The following ZNF667 variants were observed in gnomAD, a reference collection of about 807,000 sequenced individuals.
The protein encoded by ZNF667 is zinc finger protein 667.
Under a neutral mutation model 31.8 loss-of-function variants are expected in ZNF667, and 13 were observed. The observed-to-expected ratio is 0.41, with a 90% CI of 0.27 to 0.65. ZNF667 has a LOEUF of 0.65. ZNF667 is among the 30% of genes least tolerant of loss of function. ZNF667 has a pLI of 0.32. For missense variants in ZNF667, 642 were observed against 725.6 expected (o/e 0.88, Z 1.32); for synonymous variants, 228 against 247.1 (o/e 0.92, Z 0.73).
Position 56,441,310 on chromosome 19 carries a change from T to A in ZNF667, c.1685A>T (p.Lys562Met). 6.2e-7 allele frequency: 1 copy of A among 1,614,246 alleles called. No homozygotes were observed. The highest frequency in any genetic ancestry group is 8.5e-7 in the Non-Finnish European group (1 of 1,180,044). ...EKPYECNECG[K>M]AFSSGSDLIR... Reference sequence around the variant, plus strand: ...AAGGTCTGAGCCACTGCTAAATGCCTTCCCACATTCATTACATTCATAGGG... The same window carrying A: ...AAGGTCTGAGCCACTGCTAAATGCCATCCCACATTCATTACATTCATAGGG... The change falls in exon 7 of 7, where the codon AAG becomes ATG. Residue 562 changes from lysine to methionine, a missense_variant. By Grantham distance (95) the Lys-to-Met change is moderately conservative (BLOSUM62 -1). Coordinates refer to ENST00000504904, the MANE Select transcript of ZNF667 (RefSeq NM_001321356.2). The surrounding 1 kb of genome is among the most constrained non-coding windows in gnomAD (Gnocchi z 4.2).
At chr19:56,460,606 G>A in intron 5 of ZNF667, 83 bp downstream of exon 5, 1 of 1,444,672 alleles carries the variant, frequency 6.9e-7, no homozygotes, top group Non-Finnish European at 9.2e-7. Flanking sequence ...AACTGCAGTG[G>A]CTTCCATTTT....
rs117157855 is a variant in ZNF667 at position 56,461,278 on chromosome 19, C to T, written c.34-463G>A. Among the ~76,000 whole-genome samples the T allele has an allele frequency of 2.9e-3, 445 of 152,334 alleles. 5 individuals are homozygous for T. Among genetic ancestry groups the T allele is most frequent in the South Asian group, 0.021 (101 of 4,824 alleles). ...AGCTCCTGATTTAATCTCCTAACCA[C>T]TTGCTCTCCAAGAAACATGTGAATA... On this transcript the variant is annotated intron_variant, in intron 4 of 6. Transcript: ENST00000504904.
Position 56,449,286 on chromosome 19 carries a change from C to T in ZNF667, c.254-6545G>A, listed in dbSNP as rs142315967. The T allele has an allele frequency of 1.1e-4, 47 of 440,042 alleles. No individual in the cohort carries two copies. The East Asian group carries it at 2.2e-3, about 21-fold the overall frequency. The allele number at this position is 440,042 out of a possible 1,614,324, so 27.3% of individuals were successfully genotyped here. A position where few individuals can be genotyped will look rare whatever the true frequency, so the allele number is the denominator to read the frequency against. ...AACATCCATAAGCATCAAGACCATC[C>T]GGGAAAACATGACCTCACCAAATGA... On this transcript the variant is annotated intron_variant, in intron 6 of 6. Coordinates refer to ENST00000504904, the MANE Select transcript of ZNF667 (RefSeq NM_001321356.2).
intron 3 of ZNF667, among the ~76,000 whole-genome samples, chr19:56,464,276 C>A (rs559713076): frequency 7.9e-5 from 12 of 152,302 alleles, no homozygotes; most frequent in African/African-American, 2.9e-4. Flanking sequence ...GGAGGATCAC[C>A]TGAGCCTAAG....
chr19:56,465,256 C>T (rs1181628723), intron 3 of ZNF667, among the ~76,000 whole-genome samples: 4 of 152,220 alleles, frequency 2.6e-5, no homozygotes, highest in African/African-American at 9.6e-5. Context: ...GATGTTCCCT[C>T]TACAGATGTT....
Position 56,440,882 on chromosome 19 carries a change from C to G in ZNF667, c.*280G>C, listed in dbSNP as rs1350120812. 1.7e-6 allele frequency: 2 copies of G among 1,169,288 alleles called. No homozygotes were observed. The highest frequency in any genetic ancestry group is 2.1e-6 in the Non-Finnish European group (2 of 942,264). The allele number at this position is 1,169,288 out of a possible 1,614,324, so 72.4% of individuals were successfully genotyped here. On this transcript the variant is annotated 3_prime_UTR_variant, in exon 7 of 7. Coordinates refer to ENST00000504904, the MANE Select transcript of ZNF667 (RefSeq NM_001321356.2). ...TCGTGATCCGCCTGTCTCAGCCTCC[C>G]AAAGTGCTGGGGTTACAGGTGTAAG...
chr19:56,466,314 C>T lies in ZNF667; in HGVS notation c.-59-3885G>A, dbSNP rs547945568. Reference sequence around the variant, plus strand: ...ACCTGGGAGGTGGCCCTGCAGACTCCGAAACATAAGCCAGTAAGAGGTAAC... The same window carrying T: ...ACCTGGGAGGTGGCCCTGCAGACTCTGAAACATAAGCCAGTAAGAGGTAAC... On this transcript the variant is annotated intron_variant, in intron 3 of 6. Coordinates refer to ENST00000504904, the MANE Select transcript of ZNF667 (RefSeq NM_001321356.2). 8.5e-5 allele frequency among the ~76,000 whole-genome samples: 13 copies of T among 152,292 alleles called. No individual in the cohort carries two copies. The East Asian group carries it at 1.9e-3, about 23-fold the overall frequency.
At chr19:56,451,799 G>T (rs1486739396) in intron 6 of ZNF667, among the ~76,000 whole-genome samples, 3 of 143,860 alleles carry the variant, frequency 2.1e-5, no homozygotes, top group Admixed American at 7.4e-5. Context: ...AGCCTAGAAG[G>T]TTGAGGCTGC....
rs373098427 is a variant in ZNF667 at position 56,457,167 on chromosome 19, C to G, written c.253+988G>C. Among the ~76,000 whole-genome samples, 142 of 152,224 alleles carry G rather than the reference C, an allele frequency of 9.3e-4. 1 individual carries two copies. The East Asian group carries it at 0.016, about 18-fold the overall frequency. On this transcript the variant is annotated intron_variant, in intron 6 of 6. Coordinates refer to ENST00000504904, the MANE Select transcript of ZNF667 (RefSeq NM_001321356.2). Reference sequence around the variant, plus strand: ...ATAACTTGGCCAACCAAAGAGGAACCTATTTGTCAATGAATCCTTGAAAAG... The same window carrying G: ...ATAACTTGGCCAACCAAAGAGGAACGTATTTGTCAATGAATCCTTGAAAAG...
At chr19:56,474,716 T>C (rs1024417296) in intron 1 of ZNF667, 3 of 152,324 alleles carry the variant, frequency 2.0e-5, no homozygotes, top group African/African-American at 4.8e-5. Context: ...CTCTTAACCC[T>C]GTGCGTACAT....
chr19:56,441,334 G>A lies in ZNF667; in HGVS notation c.1661C>T (p.Pro554Leu). 3.1e-6 allele frequency: 5 copies of A among 1,614,060 alleles called. No homozygotes were observed. Among genetic ancestry groups the A allele is most frequent in the Non-Finnish European group, 4.2e-6 (5 of 1,180,006 alleles). Residue 554 changes from proline (P) to leucine (L), a missense_variant, in exon 7 of 7, where the codon CCC becomes CTC. Physicochemically the swap from Pro to Leu is moderately conservative, Grantham distance 98. Coordinates refer to ENST00000504904, the MANE Select transcript of ZNF667 (RefSeq NM_001321356.2). This position sits in a 1 kb window ranked among gnomAD's most constrained non-coding sequence, Gnocchi z 4.2. ...LHERSHTGEKPYECNECGKAF... is the reference protein window; with the variant it reads ...LHERSHTGEKLYECNECGKAF... ...CTTCCCACATTCATTACATTCATAG[G>A]GTTTCTCTCCAGTATGACTTCTTTC...
In ZNF667 at chr19:56,440,993, T is replaced by A. The variant is rs995760395; in HGVS notation, c.*169A>T. 5.7e-6 allele frequency: 8 copies of A among 1,415,060 alleles called. No homozygotes were observed. The African/African-American group carries it at 1.1e-4, about 20-fold the overall frequency. The allele number at this position is 1,415,060 out of a possible 1,614,324, so 87.7% of individuals were successfully genotyped here. On this transcript the variant is annotated 3_prime_UTR_variant, in exon 7 of 7. Coordinates refer to ENST00000504904, the MANE Select transcript of ZNF667 (RefSeq NM_001321356.2). ...ACCAAACTTCTGAGTTTCCTTCAGT[T>A]AATTTCAAATCCTGAGGTCAAAATC... is the stretch of plus-strand genomic sequence containing the variant.
Position 56,460,691 on chromosome 19 carries a change from AG to A in ZNF667, c.157del (p.Gly54ValfsTer9). 1 of 1,611,700 alleles carries A rather than the reference AG, an allele frequency of 6.2e-7. No individual in the cohort carries two copies. Among genetic ancestry groups the A allele is most frequent in the East Asian group, 2.2e-5 (1 of 44,684 alleles). On this transcript the variant is annotated frameshift_variant, in exon 5 of 7. Transcript: ENST00000504904. LOFTEE classifies it high-confidence loss of function. The stretch of plus-strand genomic sequence containing the variant: ...TTGTGGGGGACGAAGAGCCTTACCA[AG>A]CGAGACCAGGTTCCGGTAATTCTCC... ...MLENYRNLVS[L>X]GLSFRRPNVI...
chr19:56,473,131 T>A (rs1295330305), intron 2 of ZNF667: 3 of 152,238 alleles, frequency 2.0e-5, no homozygotes, highest in Non-Finnish European at 4.4e-5. Context: ...ACAAAGGTAT[T>A]CACAATGGCA....
chr19:56,475,189 A>C (rs868361342), intron 1 of ZNF667: 6 of 152,168 alleles, frequency 3.9e-5, no homozygotes, highest in African/African-American at 1.2e-4. Context: ...TATAGACTTT[A>C]TTTTTGTCTC....
intron 1 of ZNF667, chr19:56,474,369 C>T (rs1189745219): frequency 1.3e-5 from 2 of 152,250 alleles, no homozygotes; most frequent in Non-Finnish European, 2.9e-5. Flanking sequence ...ATTCAAAAAT[C>T]ACTCCTGGCC....
At position 56,441,122 on chromosome 19, in the gene ZNF667, T is replaced by G; in HGVS notation, c.*40A>C. On this transcript the variant is annotated 3_prime_UTR_variant, in exon 7 of 7. Coordinates refer to ENST00000504904, the MANE Select transcript of ZNF667 (RefSeq NM_001321356.2). This position sits in a 1 kb window ranked among gnomAD's most constrained non-coding sequence, Gnocchi z 4.2. ...GACAAATACATATTTGCCATATGTT[T>G]GATAGCCTCATTCGTTGATTTTATA... 1 of 1,556,488 alleles carries G rather than the reference T, an allele frequency of 6.4e-7. No homozygotes were observed. The highest frequency in any genetic ancestry group is 8.7e-7 in the Non-Finnish European group (1 of 1,151,814).
chr19:56,463,563 TG>T (rs764459386), intron 3 of ZNF667, among the ~76,000 whole-genome samples: 21 of 152,284 alleles, frequency 1.4e-4, no homozygotes, highest in Non-Finnish European at 1.9e-4. Flanking sequence ...GGTCTTGCTC[TG>T]TTGCCCAGGC....
At chr19:56,474,579 G>A (rs1198221083) in intron 1 of ZNF667, 1 of 152,386 alleles carries the variant, frequency 6.6e-6, no homozygotes, top group Non-Finnish European at 1.5e-5. Context: ...GTGCAGCTGT[G>A]AGGACTGTTT....
Sources: allele counts gnomAD v4.1 joint callset (sites outside exome capture counted in the v4.1 genomes callset), GRCh38; gene constraint gnomAD v4.1.1; non-coding constraint Gnocchi (gnomAD v3.1); transcripts MANE v1.5; gene names NCBI Gene and HGNC (gene_info 2026-07-23, HGNC 2026-07-21).